Variants in TENM4 observed in about 807,000 individuals in gnomAD.
TENM4 encodes teneurin transmembrane protein 4, also known as teneurin-4.
TENM4 carries 82 observed loss-of-function variants against 243.3 expected under a neutral mutation model. The observed-to-expected ratio is 0.34, with a 90% CI of 0.28 to 0.40. The LOEUF is 0.40. Ranked by LOEUF, TENM4 falls within the 10% of genes least tolerant of loss-of-function variation. The pLI is 1.00. For synonymous variants in TENM4, 1,412 were observed against 1,456.3 expected (o/e 0.97, Z 0.69); for missense variants, 3,138 against 3,673.3 (o/e 0.85, Z 3.77).
intron 6 of TENM4, among the ~76,000 whole-genome samples, chr11:78,955,852 CT>C (rs1857198434): frequency 6.6e-6 from 1 of 152,178 alleles, no homozygotes; most frequent in African/African-American, 2.4e-5. Context: ...GAAGTGACCC[CT>C]GTGAGGTTGT....
intron 17 of TENM4, among the ~76,000 whole-genome samples, chr11:78,774,945 AG>A (rs1856711707): frequency 6.6e-6 from 1 of 152,230 alleles, no homozygotes; most frequent in African/African-American, 2.4e-5. Flanking sequence ...TGTTCCAGGA[AG>A]GGTTTAAAAT....
intron 19 of TENM4, among the ~76,000 whole-genome samples, chr11:78,744,799 G>C (rs142730780): frequency 6.6e-6 from 1 of 152,300 alleles, no homozygotes; most frequent in East Asian, 1.9e-4. Flanking sequence ...GGTTTGATGA[G>C]TATTCATATT....
chr11:79,198,416 T>C (rs10899604), intron 3 of TENM4, among the ~76,000 whole-genome samples: 59,130 of 152,124 alleles, frequency 0.39, 12,137 homozygotes, highest in African/African-American at 0.51. Flanking sequence ...CTTTCAACAC[T>C]CGCCAGGTGA....
At chr11:79,295,587 C>G (rs557520052) in intron 2 of TENM4, among the ~76,000 whole-genome samples, 1 of 152,246 alleles carries the variant, frequency 6.6e-6, no homozygotes, top group South Asian at 2.1e-4. Context: ...GTCCTGACAC[C>G]AGCACTGTCT....
intron 3 of TENM4, among the ~76,000 whole-genome samples, chr11:79,173,105 T>A (rs1286736950): frequency 6.6e-6 from 1 of 152,244 alleles, no homozygotes; most frequent in Non-Finnish European, 1.5e-5. Flanking sequence ...ATTTTGGCCC[T>A]AACTTTGTTC....
intron 6 of TENM4, among the ~76,000 whole-genome samples, chr11:78,925,956 T>TA (rs1213501148): frequency 0.016 from 2,215 of 142,310 alleles, 56 homozygotes; most frequent in African/African-American, 0.057. Context: ...GGAAAAGAAA[T>TA]AAAAAAAAAA....
chr11:78,758,150 G>A (rs924013766), intron 18 of TENM4, among the ~76,000 whole-genome samples: 1 of 152,188 alleles, frequency 6.6e-6, no homozygotes, highest in Non-Finnish European at 1.5e-5. Context: ...ACAGTCTAAC[G>A]ACATGTATTC....
At chr11:78,881,978 G>A (rs1271287858) in intron 9 of TENM4, among the ~76,000 whole-genome samples, 2 of 152,210 alleles carry the variant, frequency 1.3e-5, no homozygotes, top group African/African-American at 4.8e-5. Context: ...GAGAGAAGGC[G>A]TTAATGCAGG....
At chr11:79,385,878 C>T (rs1858101679) in intron 1 of TENM4, among the ~76,000 whole-genome samples, 1 of 152,152 alleles carries the variant, frequency 6.6e-6, no homozygotes, top group African/African-American at 2.4e-5. Flanking sequence ...CACACACCTG[C>T]ACCCTCCAAA....
At chr11:79,401,803 G>C (rs563837246) in intron 1 of TENM4, among the ~76,000 whole-genome samples, 10 of 152,328 alleles carry the variant, frequency 6.6e-5, no homozygotes, top group African/African-American at 2.4e-4. Flanking sequence ...CTGGCCCAGA[G>C]GAGATATGAC....
At chr11:79,015,817 A>G (rs1047851226) in intron 6 of TENM4, among the ~76,000 whole-genome samples, 1 of 152,228 alleles carries the variant, frequency 6.6e-6, no homozygotes, top group African/African-American at 2.4e-5. Flanking sequence ...AGGAATGGTC[A>G]TAAGTGCTCT....
chr11:79,073,480 A>G (rs1860466968), intron 4 of TENM4, among the ~76,000 whole-genome samples: 1 of 152,198 alleles, frequency 6.6e-6, no homozygotes, highest in South Asian at 2.1e-4. Flanking sequence ...AAGTGCATGC[A>G]TGAATGAAAC....
chr11:79,122,241 G>A (rs189250894), intron 4 of TENM4, among the ~76,000 whole-genome samples: 9 of 152,252 alleles, frequency 5.9e-5, no homozygotes, highest in African/African-American at 1.9e-4. Flanking sequence ...AATAAGGAAG[G>A]AAGGAGGGAA....
intron 18 of TENM4, among the ~76,000 whole-genome samples, chr11:78,764,580 G>A (rs778064611): frequency 4.1e-4 from 62 of 152,204 alleles, no homozygotes; most frequent in Non-Finnish European, 7.5e-4. Flanking sequence ...GCTTGACAGG[G>A]CCCATCAAGG....
At chr11:78,859,782 G>A (rs1055803295) in intron 10 of TENM4, among the ~76,000 whole-genome samples, 9 of 152,326 alleles carry the variant, frequency 5.9e-5, no homozygotes, top group Middle Eastern at 3.4e-3. Flanking sequence ...CTGAGCCTGC[G>A]CACAGCAATT....
chr11:79,152,677 T>C (rs970177190), intron 3 of TENM4, among the ~76,000 whole-genome samples: 4 of 152,234 alleles, frequency 2.6e-5, no homozygotes, highest in Non-Finnish European at 5.9e-5. Context: ...CCCCTTCCAA[T>C]GCCACAGTGT....
In TENM4 at chr11:78,729,436, A is replaced by G. The variant is rs754627201; in HGVS notation, c.3346T>C (p.Phe1116Leu). 4 of 1,600,606 alleles carry G rather than the reference A, an allele frequency of 2.5e-6. No individual in the cohort carries two copies. Among genetic ancestry groups the G allele is most frequent in the Non-Finnish European group, 8.5e-7 (1 of 1,173,176 alleles). Residue 1116 changes from phenylalanine to leucine, a missense_variant, in exon 22 of 34, where the codon TTC (phenylalanine) becomes CTC (leucine). This residue lies in a region of TENM4 where 2,467 missense variants were observed against 3,059.1 expected (regional missense o/e 0.81). Transcript: ENST00000278550. ...TAGACGTCTGTCTTGTCCCAAATGA[A>G]ATAATAGGACAGGTCTGGGGCTGCA... ...FAAAPDLSYY[F>L]IWDKTDVYNQ...
chr11:78,873,024 T>C (rs1039758829), intron 9 of TENM4, among the ~76,000 whole-genome samples: 3 of 152,238 alleles, frequency 2.0e-5, no homozygotes, highest in Non-Finnish European at 4.4e-5. Flanking sequence ...TTCTTTATAA[T>C]GAGAAACATT....
At chr11:78,877,483 T>A (rs1406478513) in intron 9 of TENM4, among the ~76,000 whole-genome samples, 2 of 152,206 alleles carry the variant, frequency 1.3e-5, no homozygotes, top group African/African-American at 2.4e-5. Flanking sequence ...TAGTCTGGAA[T>A]ACAAACGAGA....
Sources: gnomAD v4.1 joint callset for allele counts (sites outside exome capture counted in the v4.1 genomes callset) on GRCh38, gnomAD v4.1.1 for gene constraint, gnomAD v4.1.1 regional missense constraint, MANE v1.5 for transcripts, NCBI Gene and HGNC (gene_info 2026-07-23, HGNC 2026-07-21) for gene names.